GALNT17: variants seen among roughly 807,000 people sequenced by gnomAD.
The protein encoded by GALNT17 is polypeptide N-acetylgalactosaminyltransferase 17, also known as UDP-GalNAc:polypeptide N-acetylgalactosaminyltransferase-like 3.
GALNT17 carries 29 observed loss-of-function variants against 63.7 expected under a neutral mutation model. That is an observed-to-expected ratio of 0.46 (90% confidence interval 0.34 to 0.62). The LOEUF (loss-of-function observed/expected upper bound fraction) is 0.62. Among genes scored for constraint, GALNT17 ranks in the 20% least tolerant of loss-of-function variants. The pLI is 0.01. For missense variants in GALNT17, 603 were observed against 799.6 expected, an observed-to-expected ratio of 0.75 and a Z score of 2.97; for synonymous variants, 305 against 318.3, an observed-to-expected ratio of 0.96 and a Z score of 0.45.
intron 2 of GALNT17, among the ~76,000 whole-genome samples, chr7:71,349,886 T>C (rs1413829087): frequency 1.3e-5 from 2 of 152,250 alleles, no homozygotes; most frequent in African/African-American, 4.8e-5. Context: ...GTTGTTTAAA[T>C]AGACTTATCT....
chr7:71,205,505 C>T (rs538721838), intron 1 of GALNT17, among the ~76,000 whole-genome samples: 1 of 152,184 alleles, frequency 6.6e-6, no homozygotes, highest in Non-Finnish European at 1.5e-5. Flanking sequence ...TCATTGCAGC[C>T]TCGAACTCCT....
chr7:71,405,425 G>A (rs1415437215), intron 3 of GALNT17, among the ~76,000 whole-genome samples: 1 of 152,084 alleles, frequency 6.6e-6, no homozygotes, highest in Non-Finnish European at 1.5e-5. Context: ...CCGGGAGTTT[G>A]AGACCAGCCT....
chr7:71,219,020 C>T (rs902655776), intron 1 of GALNT17, among the ~76,000 whole-genome samples: 1 of 152,160 alleles, frequency 6.6e-6, no homozygotes, highest in African/African-American at 2.4e-5. Context: ...AAACTTGTCC[C>T]TGGTGCCAAA....
At chr7:71,642,412 T>G (rs1338773378) in intron 6 of GALNT17, among the ~76,000 whole-genome samples, 1 of 152,158 alleles carries the variant, frequency 6.6e-6, no homozygotes, top group East Asian at 1.9e-4. Context: ...TGAGAGGGGA[T>G]TTTTAATGGC....
intron 5 of GALNT17, among the ~76,000 whole-genome samples, chr7:71,474,459 G>A (rs555006292): frequency 6.6e-6 from 1 of 152,262 alleles, no homozygotes; most frequent in African/African-American, 2.4e-5. Context: ...CCCTGACATT[G>A]TGTCACAGGC....
At chr7:71,471,114 A>C (rs540482282) in intron 5 of GALNT17, among the ~76,000 whole-genome samples, 2 of 150,876 alleles carry the variant, frequency 1.3e-5, no homozygotes, top group Admixed American at 1.3e-4. Flanking sequence ...GTCTCACTCT[A>C]TTGTCCAGGC....
At chr7:71,187,045 C>A (rs2116328316) in intron 1 of GALNT17, among the ~76,000 whole-genome samples, 1 of 152,246 alleles carries the variant, frequency 6.6e-6, no homozygotes, top group African/African-American at 2.4e-5. Flanking sequence ...ACAGATGCAC[C>A]CAGCTGCAGT....
At chr7:71,586,442 T>C (rs933265337) in intron 6 of GALNT17, among the ~76,000 whole-genome samples, 8 of 152,222 alleles carry the variant, frequency 5.3e-5, no homozygotes, top group African/African-American at 1.7e-4. Context: ...GAGGAATAAT[T>C]GGGTTGTTTC....
intron 2 of GALNT17, among the ~76,000 whole-genome samples, chr7:71,376,425 GTTTTTTTTTTTTTT>G (rs57171551): frequency 3.2e-5 from 2 of 63,338 alleles, no homozygotes; most frequent in South Asian, 1.5e-3. Context: ...GTTTGGAGTT[GTTTTTTTTTTTTTT>G]TTTTTTTTTT....
At chr7:71,479,577 G>C (rs1787779801) in intron 5 of GALNT17, among the ~76,000 whole-genome samples, 1 of 152,148 alleles carries the variant, frequency 6.6e-6, no homozygotes, top group South Asian at 2.1e-4. Flanking sequence ...CAGTCTTAGA[G>C]AATGACTTTT....
At chr7:71,189,935 C>T (rs540295106) in intron 1 of GALNT17, among the ~76,000 whole-genome samples, 6 of 151,856 alleles carry the variant, frequency 4.0e-5, no homozygotes, top group Admixed American at 2.0e-4. Context: ...ATCAGCCTCC[C>T]GAGTAGCTGG....
In GALNT17 at chr7:71,250,281, A is replaced by G. The variant is rs149369526; in HGVS notation, c.239-85269A>G. 2.4e-4 allele frequency among the ~76,000 whole-genome samples: 37 copies of G among 152,310 alleles called. No homozygotes were observed. In the East Asian group the frequency reaches 6.7e-3, roughly 28 times the overall value. On this transcript the variant is annotated intron_variant, in intron 1 of 10. Transcript: ENST00000333538. ...GATATCTGTCATCCAAGAATAGGCCATTATATTTTGAACTTAAAAAATAAT... is the reference window on the plus strand; with the variant it reads ...GATATCTGTCATCCAAGAATAGGCCGTTATATTTTGAACTTAAAAAATAAT...
At chr7:71,188,376 C>T (rs1788891915) in intron 1 of GALNT17, among the ~76,000 whole-genome samples, 1 of 152,144 alleles carries the variant, frequency 6.6e-6, no homozygotes, top group South Asian at 2.1e-4. Context: ...TTCACTGTAA[C>T]CACGCCAGCA....
intron 6 of GALNT17, among the ~76,000 whole-genome samples, chr7:71,594,346 G>C (rs1477520450): frequency 6.6e-6 from 1 of 152,098 alleles, no homozygotes; most frequent in East Asian, 1.9e-4. Flanking sequence ...CTGGAGTGCA[G>C]TGGCACAATC....
At chr7:71,304,378 A>G (rs1583845442) in intron 1 of GALNT17, among the ~76,000 whole-genome samples, 1 of 152,350 alleles carries the variant, frequency 6.6e-6, no homozygotes, top group Non-Finnish European at 1.5e-5. Context: ...GGAGTGGGTG[A>G]CAAAGTGGGT....
At chr7:71,523,280 T>G (rs936565789) in intron 5 of GALNT17, among the ~76,000 whole-genome samples, 8 of 151,778 alleles carry the variant, frequency 5.3e-5, no homozygotes, top group Non-Finnish European at 1.2e-4. Context: ...TTTTAAAAAT[T>G]TAGTCAGGCG....
intron 6 of GALNT17, among the ~76,000 whole-genome samples, chr7:71,655,047 C>A (rs1163999219): frequency 6.6e-6 from 1 of 152,104 alleles, no homozygotes; most frequent in African/African-American, 2.4e-5. Context: ...ACCTCAGCCC[C>A]CGAAAGTGCT....
At chr7:71,456,946 C>CG (rs548952897) in intron 5 of GALNT17, among the ~76,000 whole-genome samples, 15 of 152,164 alleles carry the variant, frequency 9.9e-5, no homozygotes, top group East Asian at 3.9e-4. Flanking sequence ...CAACTCGAAG[C>CG]GGGGGGTTCC....
At chr7:71,478,580 T>C (rs1392472825) in intron 5 of GALNT17, among the ~76,000 whole-genome samples, 1 of 152,162 alleles carries the variant, frequency 6.6e-6, no homozygotes, top group Non-Finnish European at 1.5e-5. Flanking sequence ...CCTCCCAAAG[T>C]GCTGGGTTAT....
Sources: allele counts gnomAD v4.1 joint callset (sites outside exome capture counted in the v4.1 genomes callset), GRCh38; gene constraint gnomAD v4.1.1; transcripts MANE v1.5; gene names NCBI Gene and HGNC (gene_info 2026-07-23, HGNC 2026-07-21).